Variants in DSEL observed in about 807,000 individuals in gnomAD.
The protein encoded by DSEL is dermatan sulfate epimerase like, also known as dermatan-sulfate epimerase-like protein.
A neutral mutation model predicts 96.6 loss-of-function variants in DSEL; 61 were observed. The ratio of observed to expected loss-of-function variants is 0.63; its 90% CI spans 0.51 to 0.78. DSEL has a LOEUF of 0.78. DSEL is among the 30% of genes least tolerant of loss of function. DSEL has a pLI of 0.00. For missense variants in DSEL, 1,320 were observed against 1,430.8 expected, an observed-to-expected ratio of 0.92 and a Z score of 1.25; for synonymous variants, 514 against 502.0, an observed-to-expected ratio of 1.02 and a Z score of -0.32.
rs1453183472 is a variant in DSEL at position 67,510,882 on chromosome 18, A to ACG, written c.*87_*88insCG. On this transcript the variant is annotated 3_prime_UTR_variant, in exon 2 of 2. Coordinates refer to ENST00000310045, the MANE Select transcript of DSEL (RefSeq NM_032160.3). ...TACACGCGTGCACACACACACACAC[A>ACG]CTAAAGAATAAACAAACTCTTCTGA... 3.1e-5 allele frequency: 35 copies of ACG among 1,116,814 alleles called. No homozygotes were observed. The African/African-American group carries it at 4.6e-4, about 15-fold the overall frequency. The allele number at this position is 1,116,814 out of a possible 1,614,324, so 69.2% of individuals were successfully genotyped here.
chr18:67,512,458 A>G lies in DSEL; in HGVS notation c.2151T>C (p.Ile717=). 4 of 1,614,180 alleles carry G rather than the reference A, an allele frequency of 2.5e-6. No homozygotes were observed. In the South Asian group the frequency reaches 3.3e-5, roughly 13 times the overall value. The change falls in exon 2 of 2, where the codon ATT becomes ATC. Residue 717 remains isoleucine (I), a synonymous_variant. Coordinates refer to ENST00000310045, the MANE Select transcript of DSEL (RefSeq NM_032160.3). ...TCTTCAGGTTATGGTAATCAGTTAC[A>G]ATAGAAACAACATGTTCAGTATTAT... ...NVNNTEHVVS[I]VTDYHNLKTR...
rs893973348 is a variant in DSEL, at chr18:67,510,537, A to C, written c.*433T>G. The C allele has an allele frequency of 6.3e-6, 1 of 159,712 alleles. No homozygotes were observed. Among genetic ancestry groups the C allele is most frequent in the Non-Finnish European group, 1.4e-5 (1 of 73,286 alleles). 9.9% of individuals were successfully genotyped at this position (159,712 alleles called of 1,614,324 possible). On this transcript the variant is annotated 3_prime_UTR_variant, in exon 2 of 2. Transcript: ENST00000310045. The stretch of plus-strand genomic sequence containing the variant: ...TGTCAGAAGACCTTTTCAAAAGGAT[A>C]AGGAACTTTTGTAGTCCATCTTGAA...
chr18:67,514,959 G>A lies in DSEL; in HGVS notation c.-351C>T. The stretch of plus-strand genomic sequence containing the variant: ...TACTTAAATCTATTTAACACAAAGA[G>A]TTGGAACACACATTGTAAAAAAAGA... On this transcript the variant is annotated 5_prime_UTR_variant, in exon 2 of 2. Transcript: ENST00000310045. The A allele has an allele frequency of 3.5e-6, 1 of 283,686 alleles. No individual in the cohort carries two copies. The allele number at this position is 283,686 out of a possible 1,614,324, so 17.6% of individuals were successfully genotyped here.
chr18:67,511,944 C>T lies in DSEL; in HGVS notation c.2665G>A (p.Asp889Asn). The change falls in exon 2 of 2, where the codon GAT becomes AAT. Residue 889 changes from aspartate to asparagine, a missense_variant. This residue lies in a region of DSEL where 986 missense variants were observed against 1,066.4 expected (regional missense o/e 0.92). Transcript: ENST00000310045. ...LYIRVPTAYIDIPETELEIDS... is the reference protein window; with the variant it reads ...LYIRVPTAYINIPETELEIDS... ...ATTTCCAACTCAGTTTCAGGAATAT[C>T]AATGTAGGCTGTAGGAACCCTGATG... 6.2e-7 allele frequency: 1 copy of T among 1,614,128 alleles called. No individual in the cohort carries two copies. Among genetic ancestry groups the T allele is most frequent in the South Asian group, 1.1e-5 (1 of 91,076 alleles).
rs1220317733 is a variant in DSEL, at chr18:67,513,176, G to C, written c.1433C>G (p.Ala478Gly). 1 of 1,614,152 alleles carries C rather than the reference G, an allele frequency of 6.2e-7. No homozygotes were observed. Among genetic ancestry groups the C allele is most frequent in the South Asian group, 1.1e-5 (1 of 91,086 alleles). Reference sequence around the variant, plus strand: ...AGAAACAAATACTTGTCCATTGGGGGCAAAAGTAAATGAGTTCTGATCTGG... The same window carrying C: ...AGAAACAAATACTTGTCCATTGGGGCCAAAAGTAAATGAGTTCTGATCTGG... ...EHPDQNSFTF[A>G]PNGQVFVSEA... Residue 478 changes from alanine (A) to glycine (G), a missense_variant, in exon 2 of 2, where the codon GCC (alanine) becomes GGC (glycine). Physicochemically the swap from Ala to Gly is moderately conservative, Grantham distance 60. Around this residue, in one of 3 missense-constraint regions of DSEL, gnomAD observed 986 missense variants for 1,066.4 expected, o/e 0.92. Transcript: ENST00000310045.
In DSEL at chr18:67,514,772, G is replaced by A. The variant is rs951107105; in HGVS notation, c.-164C>T. 5.6e-5 allele frequency: 44 copies of A among 780,496 alleles called. No homozygotes were observed. In the Admixed American group the frequency reaches 1.3e-3, roughly 23 times the overall value. 48.3% of individuals were successfully genotyped at this position (780,496 alleles called of 1,614,324 possible). On this transcript the variant is annotated 5_prime_UTR_variant, in exon 2 of 2. Transcript: ENST00000310045. ...CTGACATTCAGTACATTTTAAGCAAGTGCAGTTGCCAAAAAGAGAAAACTT... is the reference window on the plus strand; with the variant it reads ...CTGACATTCAGTACATTTTAAGCAAATGCAGTTGCCAAAAAGAGAAAACTT...
At position 67,516,301 on chromosome 18, in the gene DSEL, C is replaced by A. The variant is rs1208191607; in HGVS notation, c.-885+60G>T. 6.6e-6 allele frequency: 1 copy of A among 152,536 alleles called. No individual in the cohort carries two copies. Among genetic ancestry groups the A allele is most frequent in the Non-Finnish European group, 1.5e-5 (1 of 68,290 alleles). 9.4% of individuals were successfully genotyped at this position (152,536 alleles called of 1,614,324 possible). On this transcript the variant is annotated intron_variant, in intron 1 of 1. Coordinates refer to ENST00000310045, the MANE Select transcript of DSEL (RefSeq NM_032160.3). The surrounding 1 kb of genome is among the most constrained non-coding windows in gnomAD (Gnocchi z 5.6). ...CCTGCCGCCCCCATTCTCCGCTCCC[C>A]GCTCTGGGGCTGAGTGAGGCAGGAT...
chr18:67,512,857 A>G lies in DSEL; in HGVS notation c.1752T>C (p.Val584=). Residue 584 remains valine, a synonymous_variant, in exon 2 of 2, where the codon GTT becomes GTC. Transcript: ENST00000310045. ...AATCTTCTTGCCTCTCAATATGATC[A>G]ACAACTAGCAGAGTTTGGGAATTTA... ...LLLNSQTLLV[V]DHIERQEDSP... The G allele has an allele frequency of 6.2e-7, 1 of 1,614,140 alleles. No individual in the cohort carries two copies. Among genetic ancestry groups the G allele is most frequent in the Admixed American group, 1.7e-5 (1 of 60,030 alleles).
In DSEL at chr18:67,512,961, C is replaced by T; in HGVS notation, c.1648G>A (p.Val550Ile). The change falls in exon 2 of 2, where the codon GTA (valine) becomes ATA (isoleucine). Residue 550 changes from valine to isoleucine, a missense_variant. Physicochemically the swap from Val to Ile is conservative, Grantham distance 29 (BLOSUM62 3). Around this residue, in one of 3 missense-constraint regions of DSEL, gnomAD observed 986 missense variants for 1,066.4 expected, o/e 0.92. Coordinates refer to ENST00000310045, the MANE Select transcript of DSEL (RefSeq NM_032160.3). Reference protein sequence around the residue: ...IITASQHGEMVFVSGEAVSAY... With the variant: ...IITASQHGEMIFVSGEAVSAY... ...GACACGGCTTCCCCACTCACAAATACCATTTCCCCATGTTGAGAGGCAGTG... is the reference window on the plus strand; with the variant it reads ...GACACGGCTTCCCCACTCACAAATATCATTTCCCCATGTTGAGAGGCAGTG... The T allele has an allele frequency of 6.2e-7, 1 of 1,614,170 alleles. No individual in the cohort carries two copies. Among genetic ancestry groups the T allele is most frequent in the African/African-American group, 1.3e-5 (1 of 75,036 alleles).
rs1425399096 is a variant in DSEL at position 67,511,724 on chromosome 18, T to C, written c.2885A>G (p.Lys962Arg). The C allele has an allele frequency of 6.2e-7, 1 of 1,614,034 alleles. No homozygotes were observed. The highest frequency in any genetic ancestry group is 1.3e-5 in the African/African-American group (1 of 75,002). ...AMNKDKKRKFKRRESLPEQRS... is the reference protein window; with the variant it reads ...AMNKDKKRKFRRRESLPEQRS... ...TTGTTCTGGCAAAGACTCTCTCCTT[T>C]TAAATTTTCTTTTTTTGTCCTTATT... Residue 962 changes from lysine (K) to arginine (R), a missense_variant, in exon 2 of 2, where the codon AAA becomes AGA. Coordinates refer to ENST00000310045, the MANE Select transcript of DSEL (RefSeq NM_032160.3).
chr18:67,513,439 G>A lies in DSEL; in HGVS notation c.1170C>T (p.Ile390=). The change falls in exon 2 of 2, where the codon ATC becomes ATT. Residue 390 remains isoleucine (I), a synonymous_variant. Transcript: ENST00000310045. ...GTGGTGTGAGCTGGGGATCATACCA[G>A]ATGTATTCAGTGTGAAGAGTACTCC... ...QRWSTLHTEY[I]WYDPQLTPQP... is the part of the protein sequence containing the mutation. The A allele has an allele frequency of 6.2e-7, 1 of 1,614,198 alleles. No individual in the cohort carries two copies. The highest frequency in any genetic ancestry group is 8.5e-7 in the Non-Finnish European group (1 of 1,180,036).
At position 67,511,426 on chromosome 18, in the gene DSEL, C is replaced by A; in HGVS notation, c.3183G>T (p.Leu1061Phe). The change falls in exon 2 of 2, where the codon TTG becomes TTT. Residue 1061 changes from leucine to phenylalanine, a missense_variant. By Grantham distance (22) the Leu-to-Phe change is conservative. Coordinates refer to ENST00000310045, the MANE Select transcript of DSEL (RefSeq NM_032160.3). ...TGCCTTTACCTCCCTCTATTTTAAA[C>A]AATTTTGCTAAATGCTCTGGTACAT... ...LKNVPEHLAK[L>F]FKIEGGKGKC... 1.2e-6 allele frequency: 2 copies of A among 1,605,262 alleles called. No homozygotes were observed. The highest frequency in any genetic ancestry group is 1.7e-6 in the Non-Finnish European group (2 of 1,179,958).
Position 67,511,981 on chromosome 18 carries a change from A to T in DSEL, c.2628T>A (p.Ser876Arg). The change falls in exon 2 of 2, where the codon AGT becomes AGA. Residue 876 changes from serine to arginine, a missense_variant. Physicochemically the swap from Ser to Arg is moderately radical, Grantham distance 110. Transcript: ENST00000310045. ...EILKQLFFNS[S>R]DFLYIRVPTA... ...TAGGAACCCTGATGTAGAGAAAATC[A>T]CTACTGTTGAAAAAAAGTTGTTTGA... The T allele has an allele frequency of 6.2e-7, 1 of 1,614,124 alleles. No individual in the cohort carries two copies. Among genetic ancestry groups the T allele is most frequent in the South Asian group, 1.1e-5 (1 of 91,086 alleles).
At position 67,514,312 on chromosome 18, in the gene DSEL, G is replaced by A. The variant is rs927411390; in HGVS notation, c.297C>T (p.Ser99=). Residue 99 remains serine (S), a synonymous_variant, in exon 2 of 2, where the codon TCC becomes TCT. Transcript: ENST00000310045. ...GTGGAGGTAGGTAGTATGTTGGGTT[G>A]GACAGCATAACTGTCACTGCACTTC... The part of the protein sequence containing the change: ...AIRSAVTVML[S]NPTYYLPPPK... 1 of 1,614,052 alleles carries A rather than the reference G, an allele frequency of 6.2e-7. No individual in the cohort carries two copies. The highest frequency in any genetic ancestry group is 1.3e-5 in the African/African-American group (1 of 74,912).
Position 67,507,045 on chromosome 18 carries a change from A to G in DSEL, c.*3925T>C, listed in dbSNP as rs1319378232. 6.6e-6 allele frequency: 1 copy of G among 152,176 alleles called. No homozygotes were observed. The highest frequency in any genetic ancestry group is 6.5e-5 in the Admixed American group (1 of 15,278). The allele number at this position is 152,176 out of a possible 1,614,324, so 9.4% of individuals were successfully genotyped here. On this transcript the variant is annotated 3_prime_UTR_variant, in exon 2 of 2. Transcript: ENST00000310045. ...TAGCCCACATATTAAGTGTCTTGAT[A>G]TCTTAGAATGTCAGGTACCCTTGCC...
At position 67,511,010 on chromosome 18, in the gene DSEL, G is replaced by A. The variant is rs1369185112; in HGVS notation, c.3599C>T (p.Thr1200Ile). 1 of 1,609,014 alleles carries A rather than the reference G, an allele frequency of 6.2e-7. No homozygotes were observed. Among genetic ancestry groups the A allele is most frequent in the South Asian group, 1.1e-5 (1 of 89,790 alleles). Residue 1200 changes from threonine (T) to isoleucine (I), a missense_variant, in exon 2 of 2, where the codon ACT (threonine) becomes ATT (isoleucine). Thr to Ile is a moderately conservative substitution (Grantham distance 89). Transcript: ENST00000310045. ...EIKLIENICW[T>I]LMDRLGYPKF... is the part of the protein sequence containing the mutation. ...TGGATATCCTAGGCGATCCATCAGAGTCCAGCAGATGTTTTCAATTAGTTT... is the reference window on the plus strand; with the variant it reads ...TGGATATCCTAGGCGATCCATCAGAATCCAGCAGATGTTTTCAATTAGTTT...
chr18:67,510,682 T>TCTCCC lies in DSEL; in HGVS notation c.*283_*287dup, dbSNP rs371031865. ...TAGACAAAAACTTAAAATTTTCCCA[T>TCTCCC]CTCCCCTGACCCCATGATATAACTT... On this transcript the variant is annotated 3_prime_UTR_variant, in exon 2 of 2. Coordinates refer to ENST00000310045, the MANE Select transcript of DSEL (RefSeq NM_032160.3). 592 of 344,796 alleles carry TCTCCC rather than the reference T, an allele frequency of 1.7e-3. 1 individual carries two copies. The highest frequency in any genetic ancestry group is 0.012 in the African/African-American group (558 of 47,194). 21.4% of individuals were successfully genotyped at this position (344,796 alleles called of 1,614,324 possible).
rs1191710705 is a variant in DSEL, at chr18:67,511,080, T to C, written c.3529A>G (p.Thr1177Ala). The C allele has an allele frequency of 3.1e-6, 5 of 1,614,104 alleles. No individual in the cohort carries two copies. Among genetic ancestry groups the C allele is most frequent in the Admixed American group, 3.3e-5 (2 of 60,020 alleles). Reference protein sequence around the residue: ...YLPYEGEISPTNTNVWKQNLP... With the variant: ...YLPYEGEISPANTNVWKQNLP... ...TTCTGTTTCCAAACATTAGTATTAGTTGGTGATATTTCCCCTTCATAGGGA... is the reference window on the plus strand; with the variant it reads ...TTCTGTTTCCAAACATTAGTATTAGCTGGTGATATTTCCCCTTCATAGGGA... Residue 1177 changes from threonine (T) to alanine (A), a missense_variant, in exon 2 of 2, where the codon ACT becomes GCT. Coordinates refer to ENST00000310045, the MANE Select transcript of DSEL (RefSeq NM_032160.3).
Position 67,509,472 on chromosome 18 carries a change from G to C in DSEL, c.*1498C>G, listed in dbSNP as rs765534716. 1.3e-5 allele frequency: 2 copies of C among 152,024 alleles called. No homozygotes were observed. Among genetic ancestry groups the C allele is most frequent in the Non-Finnish European group, 2.9e-5 (2 of 68,028 alleles). The allele number at this position is 152,024 out of a possible 1,614,324, so 9.4% of individuals were successfully genotyped here. ...GATATGGGAAGGAATATGTTGGGGA[G>C]GGGGGGCAGTCTCCACTCACACTAT... On this transcript the variant is annotated 3_prime_UTR_variant, in exon 2 of 2. Transcript: ENST00000310045.
Sources: gnomAD v4.1 joint callset for allele counts on GRCh38, gnomAD v4.1.1 for gene constraint, gnomAD v4.1.1 regional missense constraint, Gnocchi (gnomAD v3.1) non-coding constraint, MANE v1.5 for transcripts, NCBI Gene and HGNC (gene_info 2026-07-23, HGNC 2026-07-21) for gene names.